The following PCDHAC1 variants were observed in gnomAD, a reference collection of about 807,000 sequenced individuals.
The protein encoded by PCDHAC1 is protocadherin alpha subfamily C, 1.
A neutral mutation model predicts 60.0 loss-of-function variants in PCDHAC1; 42 were observed. The ratio of observed to expected loss-of-function variants is 0.70; its 90% CI spans 0.55 to 0.90. The LOEUF (loss-of-function observed/expected upper bound fraction) is 0.90, where lower values mean the gene tolerates loss of function less well. Ranked by LOEUF, PCDHAC1 falls within the 40% of genes least tolerant of loss-of-function variation. PCDHAC1 has a pLI of 0.00. For missense variants in PCDHAC1, 1,160 were observed against 1,222.3 expected (o/e 0.95, Z 0.76); for synonymous variants, 468 against 499.3 (o/e 0.94, Z 0.84).
At chr5:140,989,105 T>A (rs550881823) in intron 3 of PCDHAC1, 1 of 152,350 alleles carries the variant, frequency 6.6e-6, no homozygotes, top group Non-Finnish European at 1.5e-5. Context: ...GAAACAACTT[T>A]TGAATATATC....
chr5:140,945,614 A>G lies in PCDHAC1; in HGVS notation c.2433+16289A>G, dbSNP rs2093816394. Among the ~76,000 whole-genome samples the G allele has an allele frequency of 2.0e-5, 3 of 152,278 alleles. No homozygotes were observed. The South Asian group carries it at 6.2e-4, about 32-fold the overall frequency. ...TCAAAGCTATAATAATCAAAACAGC[A>G]TGGTACTGGCATAAAAGACATGTAG... On this transcript the variant is annotated intron_variant, in intron 1 of 3. Coordinates refer to ENST00000253807, the MANE Select transcript of PCDHAC1 (RefSeq NM_018898.5).
intron 1 of PCDHAC1, among the ~76,000 whole-genome samples, chr5:140,941,032 T>C (rs1321810263): frequency 6.6e-6 from 1 of 152,222 alleles, no homozygotes; most frequent in Non-Finnish European, 1.5e-5. Flanking sequence ...CTGGCCTTTT[T>C]GGTGCCAAGT....
In PCDHAC1 at chr5:141,010,888, T is replaced by C. The variant is rs1419215366; in HGVS notation, c.*951T>C. The stretch of plus-strand genomic sequence containing the variant: ...AGCTATAAATCTTTAAAGAGAAATA[T>C]GAATACAATTCCCCTAAACTCTCCT... On this transcript the variant is annotated 3_prime_UTR_variant, in exon 4 of 4. Transcript: ENST00000253807. The C allele has an allele frequency of 3.9e-5, 6 of 153,866 alleles. 1 individual carries two copies. The highest frequency in any genetic ancestry group is 1.4e-4 in the African/African-American group (6 of 41,562). The allele number at this position is 153,866 out of a possible 1,614,324, so 9.5% of individuals were successfully genotyped here. A position where few individuals can be genotyped will look rare whatever the true frequency, so the allele number is the denominator to read the frequency against.
chr5:140,964,586 C>T (rs2095842092), intron 1 of PCDHAC1, among the ~76,000 whole-genome samples: 1 of 152,078 alleles, frequency 6.6e-6, no homozygotes, highest in Non-Finnish European at 1.5e-5. Flanking sequence ...GAGGAAAGAT[C>T]ACTTTTCATG....
At chr5:140,959,883 C>T (rs535578218) in intron 1 of PCDHAC1, among the ~76,000 whole-genome samples, 4 of 152,222 alleles carry the variant, frequency 2.6e-5, no homozygotes, top group South Asian at 2.1e-4. Flanking sequence ...AAGGAATACA[C>T]GAGTGGGATT....
intron 1 of PCDHAC1, among the ~76,000 whole-genome samples, chr5:140,945,574 G>C (rs2153670366): frequency 6.6e-6 from 1 of 151,978 alleles, no homozygotes; most frequent in Middle Eastern, 3.4e-3. Context: ...ATACTACCTG[G>C]CTTCAAAATA....
chr5:140,947,738 T>C (rs2153680991), intron 1 of PCDHAC1, among the ~76,000 whole-genome samples: 1 of 151,740 alleles, frequency 6.6e-6, no homozygotes, highest in South Asian at 2.1e-4. Context: ...GTAATACCTA[T>C]TCTTATGTAT....
chr5:140,978,810 G>C, intron 1 of PCDHAC1, 139 bp from the exon 2 acceptor site: 2 of 1,500,034 alleles, frequency 1.3e-6, no homozygotes, highest in Non-Finnish European at 1.8e-6. Flanking sequence ...TATCATCATA[G>C]AGTTACACAT....
intron 3 of PCDHAC1, among the ~76,000 whole-genome samples, chr5:140,999,639 T>C (rs1554256919): frequency 6.6e-6 from 1 of 152,144 alleles, no homozygotes; most frequent in African/African-American, 2.4e-5. Context: ...TAGAGAAAAC[T>C]GTGCAGCCTG....
chr5:140,941,403 G>A lies in PCDHAC1; in HGVS notation c.2433+12078G>A, dbSNP rs527986544. Among the ~76,000 whole-genome samples, 769 of 142,382 alleles carry A rather than the reference G, an allele frequency of 5.4e-3. 3 individuals carry two copies. The highest frequency in any genetic ancestry group is 0.019 in the African/African-American group (737 of 38,338). The allele number at this position is 142,382 out of a possible 152,430, so 93.4% of individuals were successfully genotyped here. On this transcript the variant is annotated intron_variant, in intron 1 of 3. Coordinates refer to ENST00000253807, the MANE Select transcript of PCDHAC1 (RefSeq NM_018898.5). ...AGGATTTTGGCTCACTGCAACCTCC[G>A]CCTCCCGGGTTCAAGCAATTCTCTG...
chr5:140,993,033 T>C (rs1315226376), intron 3 of PCDHAC1, among the ~76,000 whole-genome samples: 2 of 152,158 alleles, frequency 1.3e-5, no homozygotes, highest in African/African-American at 4.8e-5. Context: ...GTGGGCTCCG[T>C]GTGTCATCAA....
intron 1 of PCDHAC1, chr5:140,969,386 C>T (rs782109093): frequency 2.5e-6 from 4 of 1,596,966 alleles, no homozygotes; most frequent in South Asian, 1.1e-5. Flanking sequence ...TACACATCCC[C>T]CAATATCCTG....
intron 3 of PCDHAC1, among the ~76,000 whole-genome samples, chr5:140,988,382 T>C (rs2097295449): frequency 6.6e-6 from 1 of 152,148 alleles, no homozygotes; most frequent in African/African-American, 2.4e-5. Flanking sequence ...TGAAACTCAT[T>C]GTGTTTGCCA....
chr5:141,008,718 T>C (rs2098388409), intron 3 of PCDHAC1, among the ~76,000 whole-genome samples: 1 of 152,230 alleles, frequency 6.6e-6, no homozygotes, highest in Non-Finnish European at 1.5e-5. Context: ...TGCTTGAGTG[T>C]ATGTCCAACT....
At chr5:140,971,038 A>G (rs948457676) in intron 1 of PCDHAC1, among the ~76,000 whole-genome samples, 4 of 152,216 alleles carry the variant, frequency 2.6e-5, no homozygotes, top group Non-Finnish European at 5.9e-5. Context: ...GAAAGCACGT[A>G]AAAGGGTTTA....
In PCDHAC1 at chr5:140,927,525, T is replaced by G. The variant is rs782496581; in HGVS notation, c.633T>G (p.Pro211=). ...TTACAGCTCGGGACGGCGGGCTACC[T>G]GCCCGCTCAGGAGACGCACAAGTCA... ...LVLTARDGGL[P]ARSGDAQVTI... Residue 211 remains proline, a synonymous_variant, in exon 1 of 4, where the codon CCT becomes CCG. Transcript: ENST00000253807. 3.1e-6 allele frequency: 5 copies of G among 1,614,088 alleles called. 1 individual carries two copies. In the South Asian group the frequency reaches 5.5e-5, roughly 18 times the overall value.
intron 1 of PCDHAC1, among the ~76,000 whole-genome samples, chr5:140,952,415 C>T (rs138050953): frequency 7.9e-4 from 120 of 152,134 alleles, no homozygotes; most frequent in Admixed American, 1.6e-3. Context: ...TTTAATGTTC[C>T]GCAGATTCCT....
At chr5:140,978,769 T>C in intron 1 of PCDHAC1, 180 bp from the exon 2 acceptor site, 1 of 957,338 alleles carries the variant, frequency 1.0e-6, no homozygotes, top group Non-Finnish European at 1.2e-6. Flanking sequence ...CCTGATGAAC[T>C]AATTTTCTTC....
At chr5:140,942,667 CA>C (rs2153659637) in intron 1 of PCDHAC1, among the ~76,000 whole-genome samples, 1 of 151,384 alleles carries the variant, frequency 6.6e-6, no homozygotes, top group South Asian at 2.1e-4. Flanking sequence ...GCAATAAGCA[CA>C]AAAGTTTTAG....
Sources: allele counts gnomAD v4.1 joint callset (sites outside exome capture counted in the v4.1 genomes callset), GRCh38; gene constraint gnomAD v4.1.1; transcripts MANE v1.5; gene names NCBI Gene and HGNC (gene_info 2026-07-23, HGNC 2026-07-21).